Variants in PKD2L1 observed in about 807,000 individuals in gnomAD.
PKD2L1 encodes polycystin 2 like 1, transient receptor potential cation channel.
In PKD2L1, 77 loss-of-function variants were observed where a neutral mutation model predicts 93.0. The observed-to-expected ratio is 0.83, with a 90% CI of 0.69 to 1.00. The LOEUF is 1.00. PKD2L1 is among the 50% of genes least tolerant of loss of function. PKD2L1 has a pLI of 0.00. For missense variants in PKD2L1, 977 were observed against 990.9 expected, an observed-to-expected ratio of 0.99 and a Z score of 0.19; for synonymous variants, 390 against 388.0, an observed-to-expected ratio of 1.01 and a Z score of -0.06.
At chr10:100,307,336 T>A (rs1848827098) in intron 2 of PKD2L1, among the ~76,000 whole-genome samples, 2 of 152,166 alleles carry the variant, frequency 1.3e-5, no homozygotes, top group South Asian at 4.1e-4. Context: ...AGTAGACCGA[T>A]TGTGTATCAC....
chr10:100,317,442 G>A (rs1849125078), intron 2 of PKD2L1, among the ~76,000 whole-genome samples: 1 of 152,180 alleles, frequency 6.6e-6, no homozygotes, highest in Admixed American at 6.5e-5. Context: ...GGGAGGCTGA[G>A]GTGGGAGGAT....
chr10:100,288,874 C>A, intron 15 of PKD2L1, 98 bp downstream of exon 15: 1 of 707,072 alleles, frequency 1.4e-6, no homozygotes. Flanking sequence ...CATGATGGGA[C>A]CTGTTGTCCT....
intron 2 of PKD2L1, among the ~76,000 whole-genome samples, chr10:100,306,869 A>AAAAAAAAAAAG (rs1848814345): frequency 6.7e-6 from 1 of 150,198 alleles, no homozygotes; most frequent in South Asian, 2.1e-4. Context: ...AAAAAAAAAA[A>AAAAAAAAAAAG]AAAAGAAAGA....
chr10:100,312,848 T>C (rs1163393538), intron 2 of PKD2L1, among the ~76,000 whole-genome samples: 1 of 151,718 alleles, frequency 6.6e-6, no homozygotes, highest in Non-Finnish European at 1.5e-5. Context: ...TCTTCTTCTC[T>C]AGAGTCATCC....
intron 2 of PKD2L1, among the ~76,000 whole-genome samples, chr10:100,324,904 C>A (rs1230990068): frequency 1.3e-5 from 2 of 152,216 alleles, no homozygotes; most frequent in Non-Finnish European, 2.9e-5. Context: ...TGTCCAACTG[C>A]ACGTCACTCC....
At chr10:100,302,533 CAA>C (rs962940762) in intron 2 of PKD2L1, among the ~76,000 whole-genome samples, 23 of 140,426 alleles carry the variant, frequency 1.6e-4, no homozygotes, top group African/African-American at 6.0e-4. Context: ...CTCATCTCTA[CAA>C]AAAAAAAAAA....
rs1848603263 is a variant in PKD2L1 at position 100,298,578 on chromosome 10, G to T, written c.715C>A (p.Pro239Thr). 2 of 1,614,142 alleles carry T rather than the reference G, an allele frequency of 1.2e-6. No individual in the cohort carries two copies. The highest frequency in any genetic ancestry group is 8.5e-7 in the Non-Finnish European group (1 of 1,180,006). Residue 239 changes from proline (P) to threonine (T), a missense_variant, in exon 4 of 16, where the codon CCC becomes ACC. By Grantham distance (38) the Pro-to-Thr change is conservative. Transcript: ENST00000318222. The part of the protein sequence containing the change: ...PDKEEQLPFG[P>T]FNGTAWTYHS... ...CTCACTCACGCTGTGCCATTGAAGG[G>T]CCCAAAGGGGAGTTGTTCTTCTTTG...
intron 8 of PKD2L1, 48 bp from the exon 9 acceptor site, chr10:100,294,703 CA>C: frequency 6.2e-7 from 1 of 1,611,770 alleles, no homozygotes. Context: ...AAACACCCCC[CA>C]TCCCACTTTC....
chr10:100,298,979 G>A (rs1055226748), intron 3 of PKD2L1, among the ~76,000 whole-genome samples, 164 bp from the exon 4 acceptor site: 11 of 151,808 alleles, frequency 7.2e-5, no homozygotes, highest in Non-Finnish European at 1.3e-4. Context: ...ACAGAGTCTC[G>A]CTTTGTCACC....
At chr10:100,296,367 G>A in intron 6 of PKD2L1, 75 bp from the exon 7 acceptor site, 1 of 1,237,938 alleles carries the variant, frequency 8.1e-7, no homozygotes, top group Non-Finnish European at 1.1e-6. Flanking sequence ...GAGGCCCCAA[G>A]GGAGAGTCAG....
At chr10:100,319,116 G>A (rs1849171802) in intron 2 of PKD2L1, among the ~76,000 whole-genome samples, 1 of 152,168 alleles carries the variant, frequency 6.6e-6, no homozygotes, top group African/African-American at 2.4e-5. Flanking sequence ...AAAGTTTTGG[G>A]ATTACAGGCG....
At chr10:100,319,983 A>C (rs1849191539) in intron 2 of PKD2L1, among the ~76,000 whole-genome samples, 1 of 152,220 alleles carries the variant, frequency 6.6e-6, no homozygotes, top group Non-Finnish European at 1.5e-5. Context: ...TTTCATAAAT[A>C]TCATGATGAT....
intron 2 of PKD2L1, among the ~76,000 whole-genome samples, chr10:100,315,832 T>C (rs1433583112): frequency 6.6e-6 from 1 of 152,200 alleles, no homozygotes; most frequent in Admixed American, 6.5e-5. Flanking sequence ...CCCTGCCTCC[T>C]CCAGGCTGAC....
At chr10:100,303,925 C>T (rs1172882102) in intron 2 of PKD2L1, among the ~76,000 whole-genome samples, 1 of 152,230 alleles carries the variant, frequency 6.6e-6, no homozygotes, top group African/African-American at 2.4e-5. Context: ...CTCATTGCTA[C>T]AGCTTTTCCT....
chr10:100,323,249 T>C (rs561321165), intron 2 of PKD2L1, among the ~76,000 whole-genome samples: 1 of 152,336 alleles, frequency 6.6e-6, no homozygotes, highest in East Asian at 1.9e-4. Flanking sequence ...TTACTTTTAA[T>C]TGACAAATAA....
intron 3 of PKD2L1, 37 bp from the exon 4 acceptor site, chr10:100,298,852 C>T (rs374199881): frequency 1.5e-5 from 24 of 1,583,992 alleles, no homozygotes; most frequent in Non-Finnish European, 1.8e-5. Context: ...ACCCAGCCTC[C>T]TCCTGACCCC....
At chr10:100,321,858 G>A (rs1432965682) in intron 2 of PKD2L1, among the ~76,000 whole-genome samples, 6,729 of 8,520 alleles carry the variant, frequency 0.79, 3,260 homozygotes, top group Non-Finnish European at 0.98. Flanking sequence ...CAAGAAGGCA[G>A]GCAGGCAGGC....
At chr10:100,297,892 A>G (rs147028214) in intron 4 of PKD2L1, among the ~76,000 whole-genome samples, 17 of 152,178 alleles carry the variant, frequency 1.1e-4, no homozygotes, top group Admixed American at 1.1e-3. Flanking sequence ...CCAGCTATAA[A>G]TGACAGAACT....
Position 100,294,616 on chromosome 10 carries a change from G to A in PKD2L1, c.1578C>T (p.Tyr526=). The change falls in exon 9 of 16, where the codon TAC becomes TAT. Residue 526 remains tyrosine (Y), a synonymous_variant. Transcript: ENST00000318222. Reference sequence around the variant, plus strand: ...TGCGGTTGGCATTGTCGATAGCATTGTAGTCAAAGTCCCCGAGGATTATCC... The same window carrying A: ...TGCGGTTGGCATTGTCGATAGCATTATAGTCAAAGTCCCCGAGGATTATCC... ...QFRIILGDFD[Y]NAIDNANRIL... 6.2e-7 allele frequency: 1 copy of A among 1,613,970 alleles called. No homozygotes were observed. The highest frequency in any genetic ancestry group is 8.5e-7 in the Non-Finnish European group (1 of 1,179,924).
Sources: gnomAD v4.1 joint callset for allele counts (sites outside exome capture counted in the v4.1 genomes callset) on GRCh38, gnomAD v4.1.1 for gene constraint, MANE v1.5 for transcripts, NCBI Gene and HGNC (gene_info 2026-07-23, HGNC 2026-07-21) for gene names.